The following KDM5A variants were observed in gnomAD, a reference collection of about 807,000 sequenced individuals.
KDM5A encodes the protein lysine demethylase 5A.
Under a neutral mutation model 193.5 loss-of-function variants are expected in KDM5A, and 42 were observed. The observed-to-expected ratio is 0.22, with a 90% CI of 0.17 to 0.28. KDM5A has a LOEUF of 0.28. KDM5A is among the 10% of genes least tolerant of loss of function. The pLI is 1.00. For synonymous variants in KDM5A, 796 were observed against 718.1 expected, an observed-to-expected ratio of 1.11 and a Z score of -1.73; for missense variants, 1,692 against 2,055.1, an observed-to-expected ratio of 0.82 and a Z score of 3.42.
At chr12:296,279 G>A (rs1052979698) in intron 25 of KDM5A, among the ~76,000 whole-genome samples, 1 of 147,294 alleles carries the variant, frequency 6.8e-6, no homozygotes, top group Non-Finnish European at 1.5e-5. Flanking sequence ...CCAAGATCAC[G>A]CCATTGCACT....
rs1314769330 is a variant in KDM5A at position 281,134 on chromosome 12, C to T, written c.*4322G>A. The T allele has an allele frequency of 1.3e-5, 3 of 232,880 alleles. No homozygotes were observed. The highest frequency in any genetic ancestry group is 1.7e-5 in the Non-Finnish European group (2 of 117,946). 14.4% of individuals were successfully genotyped at this position (232,880 alleles called of 1,614,324 possible). On this transcript the variant is annotated 3_prime_UTR_variant, in exon 28 of 28. Coordinates refer to ENST00000399788, the MANE Select transcript of KDM5A (RefSeq NM_001042603.3). ...TTTTTTAAATCTTTTAGATGTAATG[C>T]AATTAACCATATCTAATATTCTTTT...
In KDM5A at chr12:350,808, T is replaced by C. The variant is rs1045775117; in HGVS notation, c.1150-29A>G. 3 of 1,594,304 alleles carry C rather than the reference T, an allele frequency of 1.9e-6. No individual in the cohort carries two copies. In the Admixed American group the frequency reaches 5.0e-5, roughly 27 times the overall value. ...CACAGGGAAAAAAAAGATGACAAATTATTAAACCACTATAACTATAACCCA... is the reference window on the plus strand; with the variant it reads ...CACAGGGAAAAAAAAGATGACAAATCATTAAACCACTATAACTATAACCCA... On this transcript the variant is annotated intron_variant, in intron 9 of 27. Coordinates refer to ENST00000399788, the MANE Select transcript of KDM5A (RefSeq NM_001042603.3).
At chr12:370,183 G>A (rs564112903) in intron 3 of KDM5A, among the ~76,000 whole-genome samples, 31 of 152,160 alleles carry the variant, frequency 2.0e-4, no homozygotes, top group Non-Finnish European at 2.5e-4. Context: ...ACCTGAGGTC[G>A]AGAGTTCGAA....
In KDM5A at chr12:363,116, G is replaced by A. The variant is rs1944312799; in HGVS notation, c.538-19C>T. On this transcript the variant is annotated intron_variant, in intron 4 of 27. Transcript: ENST00000399788. ...GCACACCCTAAAAGATCAGAGCACA[G>A]AAAGAGAGCAGGTTCACTGATAAGA... 6.2e-7 allele frequency: 1 copy of A among 1,613,852 alleles called. No individual in the cohort carries two copies. Among genetic ancestry groups the A allele is most frequent in the Non-Finnish European group, 8.5e-7 (1 of 1,179,770 alleles).
chr12:329,512 A>G (rs1665943801), intron 13 of KDM5A, among the ~76,000 whole-genome samples: 1 of 152,114 alleles, frequency 6.6e-6, no homozygotes, highest in Non-Finnish European at 1.5e-5. Flanking sequence ...AAAATAGGAA[A>G]GGGGAAAAAG....
At chr12:314,701 C>A (rs1943629419) in intron 19 of KDM5A, among the ~76,000 whole-genome samples, 1 of 152,022 alleles carries the variant, frequency 6.6e-6, no homozygotes, top group Non-Finnish European at 1.5e-5. Context: ...AAGCTGGGGC[C>A]AGGGGCAGGG....
In KDM5A at chr12:297,209, G is replaced by A. The variant is rs1943385167; in HGVS notation, c.4075-9C>T. The A allele has an allele frequency of 6.2e-7, 1 of 1,613,374 alleles. No individual in the cohort carries two copies. The highest frequency in any genetic ancestry group is 1.3e-5 in the African/African-American group (1 of 74,926). On this transcript the variant is annotated splice_polypyrimidine_tract_variant and intron_variant, in intron 24 of 27. Transcript: ENST00000399788. ...TTCACACTGGCTGTGTCCTGAAGAA[G>A]AAACAAAGAGAAGTATTCAGAATTA...
intron 2 of KDM5A, among the ~76,000 whole-genome samples, 198 bp downstream of exon 2, chr12:385,697 TCA>T (rs1325153325): frequency 6.6e-6 from 1 of 152,220 alleles, no homozygotes. Flanking sequence ...TGAACATTTC[TCA>T]GTTAAATGGA....
At chr12:368,904 C>G (rs1944389904) in intron 3 of KDM5A, among the ~76,000 whole-genome samples, 1 of 152,074 alleles carries the variant, frequency 6.6e-6, no homozygotes. Flanking sequence ...AAGTACTATA[C>G]CAATGTTGCT....
intron 3 of KDM5A, among the ~76,000 whole-genome samples, chr12:381,728 G>A (rs555148301): frequency 2.2e-3 from 332 of 152,154 alleles, no homozygotes; most frequent in Non-Finnish European, 3.1e-3. Flanking sequence ...GCGTAAGACC[G>A]TACTTCCCAA....
At chr12:306,775 T>G (rs57891515) in intron 24 of KDM5A, 171 bp downstream of exon 24, 16,982 of 720,614 alleles carry the variant, frequency 0.024, 897 homozygotes, top group South Asian at 0.14. Flanking sequence ...TTCAGCAACC[T>G]GTAATGTTTT....
At chr12:370,668 A>C (rs1944416408) in intron 3 of KDM5A, among the ~76,000 whole-genome samples, 1 of 151,978 alleles carries the variant, frequency 6.6e-6, no homozygotes, top group South Asian at 2.1e-4. Flanking sequence ...CACAACGTGC[A>C]GGTTTGTTAC....
At chr12:365,588 G>C (rs560930414) in intron 4 of KDM5A, among the ~76,000 whole-genome samples, 1 of 152,296 alleles carries the variant, frequency 6.6e-6, no homozygotes, top group South Asian at 2.1e-4. Flanking sequence ...CTGCATAAAT[G>C]TAGAAATGTA....
chr12:338,722 A>G (rs1292892055), intron 10 of KDM5A, among the ~76,000 whole-genome samples: 2 of 152,222 alleles, frequency 1.3e-5, no homozygotes, highest in Non-Finnish European at 2.9e-5. Flanking sequence ...TGGGAATGCA[A>G]AGAGTCCTAT....
chr12:388,245 A>G, intron 1 of KDM5A: 1 of 455,564 alleles, frequency 2.2e-6, no homozygotes, highest in Non-Finnish European at 4.4e-6. Context: ...CAAAGGTGAG[A>G]TTATAATTAA....
At chr12:306,838 T>G in intron 24 of KDM5A, 108 bp downstream of exon 24, 1 of 1,086,230 alleles carries the variant, frequency 9.2e-7, no homozygotes, top group Non-Finnish European at 1.4e-6. Flanking sequence ...AATGATTAGT[T>G]TTCTCTTTCA....
intron 1 of KDM5A, 85 bp from the exon 2 acceptor site, chr12:386,059 A>G: frequency 1.0e-6 from 1 of 968,664 alleles, no homozygotes; most frequent in East Asian, 2.4e-5. Context: ...GGGTTTTGCC[A>G]CAAATCATGG....
chr12:360,273 TA>T (rs57223749), intron 5 of KDM5A, among the ~76,000 whole-genome samples: 6 of 147,356 alleles, frequency 4.1e-5, no homozygotes, highest in Admixed American at 6.8e-5. Context: ...GACTCTGTCT[TA>T]AAAAAAAAAG....
chr12:376,166 C>T (rs1944501486), intron 3 of KDM5A, among the ~76,000 whole-genome samples: 1 of 152,224 alleles, frequency 6.6e-6, no homozygotes, highest in African/African-American at 2.4e-5. Context: ...TGGCCATGCC[C>T]TGCCCCCAGA....
Sources: gnomAD v4.1 joint callset for allele counts (sites outside exome capture counted in the v4.1 genomes callset) on GRCh38, gnomAD v4.1.1 for gene constraint, MANE v1.5 for transcripts, NCBI Gene and HGNC (gene_info 2026-07-23, HGNC 2026-07-21) for gene names.